SKAP2: variants seen among roughly 807,000 people sequenced by gnomAD.
The protein encoded by SKAP2 is src kinase-associated phosphoprotein 2.
Under a neutral mutation model 54.9 loss-of-function variants are expected in SKAP2, and 28 were observed. The ratio of observed to expected loss-of-function variants is 0.51; its 90% confidence interval spans 0.38 to 0.70. The LOEUF is 0.70. Among genes scored for constraint, SKAP2 ranks in the 30% least tolerant of loss-of-function variants. The pLI, the probability that SKAP2 is intolerant of heterozygous loss-of-function variation, is 0.00. For missense variants in SKAP2, 356 were observed against 424.1 expected (o/e 0.84, Z 1.41); for synonymous variants, 137 against 134.3 (o/e 1.02, Z -0.14).
intron 4 of SKAP2, among the ~76,000 whole-genome samples, chr7:26,818,831 T>A (rs1390746204): frequency 6.6e-6 from 1 of 152,220 alleles, no homozygotes; most frequent in East Asian, 1.9e-4. Flanking sequence ...AAGCTCATCA[T>A]CACTGGTCAT....
Position 26,844,042 on chromosome 7 carries a change from C to A in SKAP2, c.295G>T (p.Ala99Ser). Residue 99 changes from alanine to serine, a missense_variant, in exon 4 of 13, where the codon GCC (alanine) becomes TCC (serine). Transcript: ENST00000345317. ...ASERYDKDDE[A>S]PSDGAQFPPI... ...AAATGTCACATACCATCAGAGGGGG[C>A]TTCATCGTCTTTATCATATCGTTCT... 1 of 1,603,064 alleles carries A rather than the reference C, an allele frequency of 6.2e-7. No homozygotes were observed. The highest frequency in any genetic ancestry group is 1.7e-5 in the Admixed American group (1 of 59,874).
intron 4 of SKAP2, among the ~76,000 whole-genome samples, chr7:26,788,323 A>C (rs1783600975): frequency 6.6e-6 from 1 of 152,150 alleles, no homozygotes; most frequent in African/African-American, 2.4e-5. Flanking sequence ...CTGTGATCTT[A>C]AGCCAAAGAA....
intron 11 of SKAP2, among the ~76,000 whole-genome samples, chr7:26,684,010 A>C (rs1786572772): frequency 6.6e-6 from 1 of 152,170 alleles, no homozygotes; most frequent in Admixed American, 6.6e-5. Flanking sequence ...AGGGGAAATT[A>C]AAATATGAAA....
At chr7:26,766,370 G>A (rs1267719473) in intron 4 of SKAP2, among the ~76,000 whole-genome samples, 1 of 152,144 alleles carries the variant, frequency 6.6e-6, no homozygotes, top group Non-Finnish European at 1.5e-5. Context: ...GGAGATTTTA[G>A]GCTCAGACGA....
intron 4 of SKAP2, among the ~76,000 whole-genome samples, chr7:26,834,378 A>C (rs1244937599): frequency 6.6e-6 from 1 of 152,158 alleles, no homozygotes; most frequent in Non-Finnish European, 1.5e-5. Flanking sequence ...ACACAAAAAA[A>C]CCCTTCAAAA....
At chr7:26,693,946 T>C (rs1786842102) in intron 9 of SKAP2, among the ~76,000 whole-genome samples, 1 of 152,084 alleles carries the variant, frequency 6.6e-6, no homozygotes, top group African/African-American at 2.4e-5. Flanking sequence ...AGATGTTCGA[T>C]AAATACAGAA....
At chr7:26,826,760 T>C (rs1784500104) in intron 4 of SKAP2, among the ~76,000 whole-genome samples, 1 of 152,182 alleles carries the variant, frequency 6.6e-6, no homozygotes, top group East Asian at 1.9e-4. Flanking sequence ...AATCTATAAA[T>C]AAGGTCCTTA....
At chr7:26,671,360 G>C (rs1319988529) in intron 11 of SKAP2, among the ~76,000 whole-genome samples, 1 of 152,016 alleles carries the variant, frequency 6.6e-6, no homozygotes, top group East Asian at 1.9e-4. Flanking sequence ...TATGTATATT[G>C]AGTTATATGT....
chr7:26,767,154 T>G (rs1044406149), intron 4 of SKAP2, among the ~76,000 whole-genome samples: 1 of 152,224 alleles, frequency 6.6e-6, no homozygotes, highest in Admixed American at 6.5e-5. Context: ...GAATCTGTTA[T>G]TGGCCTATTC....
chr7:26,832,640 C>T (rs2127992804), intron 4 of SKAP2, among the ~76,000 whole-genome samples: 1 of 152,034 alleles, frequency 6.6e-6, no homozygotes, highest in East Asian at 1.9e-4. Flanking sequence ...ACAGCAAGAC[C>T]CCATCTCTAA....
intron 11 of SKAP2, among the ~76,000 whole-genome samples, chr7:26,680,041 A>C (rs1458001880): frequency 2.0e-5 from 3 of 152,262 alleles, no homozygotes; most frequent in African/African-American, 4.8e-5. Context: ...GACTAGATAA[A>C]ATATTCCAGA....
chr7:26,831,565 C>A (rs1194225766), intron 4 of SKAP2, among the ~76,000 whole-genome samples: 1 of 152,064 alleles, frequency 6.6e-6, no homozygotes, highest in Non-Finnish European at 1.5e-5. Flanking sequence ...AATAGTAACT[C>A]ACATTTAATA....
chr7:26,721,863 T>A (rs1787585633), intron 9 of SKAP2, among the ~76,000 whole-genome samples: 1 of 152,198 alleles, frequency 6.6e-6, no homozygotes, highest in South Asian at 2.1e-4. Context: ...TTCACGAGTA[T>A]TATTTTCCCC....
At position 26,721,105 on chromosome 7, in the gene SKAP2, A is replaced by G. The variant is rs181535457; in HGVS notation, c.796+4323T>C. The stretch of plus-strand genomic sequence containing the variant: ...TGTGGTTCTATGAAAATTAATTGAC[A>G]TCTTTCCATTGCATTCCAAAGAAGA... On this transcript the variant is annotated intron_variant, in intron 9 of 12. Coordinates refer to ENST00000345317, the MANE Select transcript of SKAP2 (RefSeq NM_003930.5). Among the ~76,000 whole-genome samples, 220 of 152,324 alleles carry G rather than the reference A, an allele frequency of 1.4e-3. 4 individuals are homozygous for G. Among genetic ancestry groups the G allele is most frequent in the Non-Finnish European group, 4.4e-5 (3 of 68,016 alleles).
intron 4 of SKAP2, among the ~76,000 whole-genome samples, chr7:26,817,742 C>G (rs1005345573): frequency 6.6e-6 from 1 of 152,152 alleles, no homozygotes; most frequent in African/African-American, 2.4e-5. Flanking sequence ...AGCAAAGTCT[C>G]AGGATACAAA....
At chr7:26,786,662 TC>T (rs1783552119) in intron 4 of SKAP2, among the ~76,000 whole-genome samples, 1 of 152,204 alleles carries the variant, frequency 6.6e-6, no homozygotes, top group Admixed American at 6.5e-5. Flanking sequence ...AGGAAAACAT[TC>T]TTAATTATAA....
chr7:26,772,478 G>T (rs1783208915), intron 4 of SKAP2, among the ~76,000 whole-genome samples: 1 of 152,112 alleles, frequency 6.6e-6, no homozygotes, highest in Admixed American at 6.5e-5. Flanking sequence ...GAGAACATAG[G>T]GTATGTGGTT....
chr7:26,661,044 G>A, the SKAP2 span, among the ~76,000 whole-genome samples: 1 of 151,938 alleles, frequency 6.6e-6, no homozygotes, highest in Non-Finnish European at 1.5e-5. Context: ...TATCTTCTAA[G>A]TAATTCACAT....
chr7:26,708,965 C>A (rs1352443108), intron 9 of SKAP2, among the ~76,000 whole-genome samples: 1 of 151,900 alleles, frequency 6.6e-6, no homozygotes, highest in South Asian at 2.1e-4. Flanking sequence ...CTTTAGTATT[C>A]TTTTTCAGTT....
Sources: gnomAD v4.1 joint callset for allele counts (sites outside exome capture counted in the v4.1 genomes callset) on GRCh38, gnomAD v4.1.1 for gene constraint, MANE v1.5 for transcripts, NCBI Gene and HGNC (gene_info 2026-07-23, HGNC 2026-07-21) for gene names.